The following LARGE1 variants were observed in gnomAD, a reference collection of about 807,000 sequenced individuals.
LARGE1 encodes the protein LARGE xylosyl- and glucuronyltransferase 1, also known as xylosyl- and glucuronyltransferase LARGE1.
LARGE1 carries 43 observed loss-of-function variants against 87.6 expected under a neutral mutation model. The ratio of observed to expected loss-of-function variants is 0.49; its 90% CI spans 0.38 to 0.63. The LOEUF is 0.63. LARGE1 is among the 30% of genes least tolerant of loss of function. The pLI is 0.00. For missense variants in LARGE1, 802 were observed against 1,000.2 expected, an observed-to-expected ratio of 0.80 and a Z score of 2.67; for synonymous variants, 434 against 394.6, an observed-to-expected ratio of 1.10 and a Z score of -1.18.
chr22:33,283,429 A>G, intron 12 of LARGE1, 81 bp from the exon 13 acceptor site: 7 of 1,506,322 alleles, frequency 4.6e-6, no homozygotes, highest in African/African-American at 1.4e-5. Flanking sequence ...CGGGGTGGTC[A>G]TTGGCCCGGG....
rs1339884648 is a variant in LARGE1 at position 33,304,483 on chromosome 22, G to A, written c.1476C>T (p.Cys492=). The A allele has an allele frequency of 6.2e-7, 1 of 1,607,178 alleles. No homozygotes were observed. The highest frequency in any genetic ancestry group is 1.1e-5 in the South Asian group (1 of 90,502). ...GGCTGATGGGCCCCTCCCAGTGCTTGCAGATGGCCTCCAGCATCTGGAGCC... is the reference window on the plus strand; with the variant it reads ...GGCTGATGGGCCCCTCCCAGTGCTTACAGATGGCCTCCAGCATCTGGAGCC... ...MDRLQMLEAI[C]KHWEGPISLA... The change falls in exon 12 of 15, where the codon TGC becomes TGT. Residue 492 remains cysteine, a synonymous_variant. Transcript: ENST00000397394.
In LARGE1 at chr22:33,274,382, AC is replaced by A. The variant is rs1394380454; in HGVS notation, c.*44del. 6.3e-7 allele frequency: 1 copy of A among 1,590,412 alleles called. No homozygotes were observed. The highest frequency in any genetic ancestry group is 2.2e-5 in the East Asian group (1 of 44,740). On this transcript the variant is annotated 3_prime_UTR_variant, in exon 15 of 15. Transcript: ENST00000397394. ...GGCCGGGCCCCAAACAGCGAGTGGC[AC>A]TTCCCCTACAGCATGTCTCCCCCTA...
chr22:33,919,480 T>C (rs1248973960), intron 1 of LARGE1, among the ~76,000 whole-genome samples: 3 of 152,194 alleles, frequency 2.0e-5, no homozygotes, highest in South Asian at 2.1e-4. Context: ...CCCCTACAGA[T>C]AGCAATGCCA....
chr22:33,466,701 C>A (rs1004567531), intron 6 of LARGE1, among the ~76,000 whole-genome samples: 7 of 150,164 alleles, frequency 4.7e-5, no homozygotes, highest in Non-Finnish European at 8.8e-5. Flanking sequence ...TCTACACACA[C>A]ACACACACAC....
chr22:33,180,574 T>C (rs1923108936), intron 11 of LARGE1, among the ~76,000 whole-genome samples: 1 of 152,160 alleles, frequency 6.6e-6, no homozygotes, highest in Non-Finnish European at 1.5e-5. Flanking sequence ...CTCCTAGGCA[T>C]AGAGCCAAGA....
intron 11 of LARGE1, among the ~76,000 whole-genome samples, chr22:33,173,176 C>G (rs183355752): frequency 3.3e-5 from 5 of 152,178 alleles, no homozygotes; most frequent in Admixed American, 6.5e-5. Flanking sequence ...AGAAACCCTA[C>G]AAGCCAGAAG....
intron 6 of LARGE1, among the ~76,000 whole-genome samples, chr22:33,550,164 CACACACACACACATAT>C (rs1377455714): frequency 2.8e-5 from 4 of 144,920 alleles, no homozygotes; most frequent in Middle Eastern, 3.7e-3. Context: ...CACACACACA[CACACACACACACATAT>C]ATATATATGT....
chr22:33,346,600 GCCT>G (rs1455016084), intron 9 of LARGE1, among the ~76,000 whole-genome samples: 1 of 152,122 alleles, frequency 6.6e-6, no homozygotes, highest in Non-Finnish European at 1.5e-5. Context: ...TCCGCGCCTG[GCCT>G]CCTACCTTCT....
At chr22:33,514,090 A>G (rs1388448219) in intron 6 of LARGE1, among the ~76,000 whole-genome samples, 4 of 152,194 alleles carry the variant, frequency 2.6e-5, no homozygotes, top group East Asian at 1.9e-4. Flanking sequence ...CTATGTTTGT[A>G]TAAGTACACT....
chr22:33,539,339 T>C (rs2077125876), intron 6 of LARGE1, among the ~76,000 whole-genome samples: 1 of 152,038 alleles, frequency 6.6e-6, no homozygotes, highest in Non-Finnish European at 1.5e-5. Flanking sequence ...CCCATGCCCA[T>C]GGGCATCCGC....
At chr22:33,861,310 T>C (rs2063911857) in intron 1 of LARGE1, among the ~76,000 whole-genome samples, 1 of 151,996 alleles carries the variant, frequency 6.6e-6, no homozygotes, top group Non-Finnish European at 1.5e-5. Flanking sequence ...ATGCCAGCCT[T>C]TGCTAACACC....
the LARGE1 span, among the ~76,000 whole-genome samples, chr22:33,079,101 G>A: frequency 6.6e-6 from 1 of 151,982 alleles, no homozygotes. Flanking sequence ...TCTATGCCAT[G>A]AGGATGGTAA....
chr22:33,642,992 G>A (rs1569336162), intron 3 of LARGE1, among the ~76,000 whole-genome samples: 1 of 152,056 alleles, frequency 6.6e-6, no homozygotes, highest in Admixed American at 6.6e-5. Context: ...AGATCAATGA[G>A]CAGAAAATTA....
intron 12 of LARGE1, among the ~76,000 whole-genome samples, chr22:33,303,001 CTGACCAA>C (rs1164217670): frequency 1.3e-5 from 2 of 152,190 alleles, no homozygotes; most frequent in Non-Finnish European, 2.9e-5. Context: ...ATAATTCATG[CTGACCAA>C]TGGCAGTAAA....
At chr22:33,112,790 C>G in the LARGE1 span, among the ~76,000 whole-genome samples, 2 of 152,076 alleles carry the variant, frequency 1.3e-5, no homozygotes, top group Admixed American at 6.5e-5. Context: ...GAAACAAAAG[C>G]CTGCAAGCAG....
chr22:33,530,257 C>T (rs1164643277), intron 6 of LARGE1, among the ~76,000 whole-genome samples: 1 of 152,092 alleles, frequency 6.6e-6, no homozygotes, highest in Non-Finnish European at 1.5e-5. Context: ...ATCCAATGTG[C>T]TAAGAATGGA....
chr22:33,610,329 G>A (rs2079390751), intron 4 of LARGE1, among the ~76,000 whole-genome samples: 1 of 152,230 alleles, frequency 6.6e-6, no homozygotes, highest in Non-Finnish European at 1.5e-5. Flanking sequence ...GGACACTGAA[G>A]TCCAGTCTGA....
intron 2 of LARGE1, among the ~76,000 whole-genome samples, chr22:33,749,349 G>C (rs375084294): frequency 1.5e-4 from 23 of 152,294 alleles, no homozygotes; most frequent in Non-Finnish European, 2.6e-4. Context: ...CCCGACCTCA[G>C]GTACCCGCCC....
intron 7 of LARGE1, among the ~76,000 whole-genome samples, chr22:33,415,180 A>C (rs1056975954): frequency 6.6e-6 from 1 of 152,200 alleles, no homozygotes; most frequent in Non-Finnish European, 1.5e-5. Context: ...CAGTTCACAG[A>C]CAACTGCAGG....
Sources: gnomAD v4.1 joint callset for allele counts (sites outside exome capture counted in the v4.1 genomes callset) on GRCh38, gnomAD v4.1.1 for gene constraint, MANE v1.5 for transcripts, NCBI Gene and HGNC (gene_info 2026-07-23, HGNC 2026-07-21) for gene names.